The following LRRTM4 variants were observed in gnomAD, a reference collection of about 807,000 sequenced individuals.
The protein encoded by LRRTM4 is leucine rich repeat transmembrane neuronal 4, also known as leucine-rich repeat transmembrane neuronal protein 4.
LRRTM4 carries 25 observed loss-of-function variants against 47.6 expected under a neutral mutation model. That is an observed-to-expected ratio of 0.53 (90% CI 0.38 to 0.73). The LOEUF is 0.73. LRRTM4 is among the 30% of genes least tolerant of loss of function. The probability of loss-of-function intolerance (pLI) is 0.00; values close to 1 mark genes in which losing one functional copy is unlikely to be tolerated. For missense variants in LRRTM4, 638 were observed against 713.4 expected, an observed-to-expected ratio of 0.89 and a Z score of 1.20; for synonymous variants, 311 against 269.5, an observed-to-expected ratio of 1.15 and a Z score of -1.51.
intron 3 of LRRTM4, among the ~76,000 whole-genome samples, chr2:76,898,903 C>A (rs1320803834): frequency 1.3e-5 from 2 of 151,640 alleles, no homozygotes; most frequent in African/African-American, 2.4e-5. Flanking sequence ...TTAATTTCTG[C>A]TTTTTCATTT....
chr2:77,068,048 CCAAT>C (rs1158233702), intron 3 of LRRTM4, among the ~76,000 whole-genome samples: 3 of 151,862 alleles, frequency 2.0e-5, no homozygotes, highest in Non-Finnish European at 4.4e-5. Context: ...TACATTTTTA[CCAAT>C]CAAATGATAT....
chr2:77,508,533 G>A (rs1313730196), intron 3 of LRRTM4, among the ~76,000 whole-genome samples: 2 of 152,180 alleles, frequency 1.3e-5, no homozygotes, highest in Non-Finnish European at 2.9e-5. Flanking sequence ...GTTTTCTCAA[G>A]CAAATGTAAC....
chr2:77,021,276 G>A (rs868842960), intron 3 of LRRTM4, among the ~76,000 whole-genome samples: 3 of 152,080 alleles, frequency 2.0e-5, no homozygotes, highest in Non-Finnish European at 4.4e-5. Context: ...CTAGGAACTT[G>A]TAAGATGTTG....
chr2:77,413,813 G>A (rs1017801064), intron 3 of LRRTM4, among the ~76,000 whole-genome samples: 10 of 150,554 alleles, frequency 6.6e-5, no homozygotes, highest in Non-Finnish European at 1.3e-4. Flanking sequence ...GAAACCAACA[G>A]GCAAACATTG....
chr2:77,341,087 G>T (rs760762031), intron 3 of LRRTM4, among the ~76,000 whole-genome samples: 12 of 151,854 alleles, frequency 7.9e-5, no homozygotes, highest in Non-Finnish European at 1.5e-4. Context: ...GAACAGAAGA[G>T]TCCGTTTACT....
chr2:76,977,363 C>CA (rs1676456534), intron 3 of LRRTM4, among the ~76,000 whole-genome samples: 1 of 151,484 alleles, frequency 6.6e-6, no homozygotes, highest in African/African-American at 2.4e-5. Context: ...TACAAACACC[C>CA]AAAAACTTAC....
At chr2:77,127,025 C>T (rs774633248) in intron 3 of LRRTM4, among the ~76,000 whole-genome samples, 5 of 151,894 alleles carry the variant, frequency 3.3e-5, no homozygotes, top group Non-Finnish European at 5.9e-5. Context: ...TGTACAAATA[C>T]TTCTCCCTCC....
At chr2:76,836,352 T>C (rs1157703021) in intron 3 of LRRTM4, among the ~76,000 whole-genome samples, 1 of 152,008 alleles carries the variant, frequency 6.6e-6, no homozygotes, top group Non-Finnish European at 1.5e-5. Flanking sequence ...TCTTGGCATA[T>C]TGTATTTGCT....
chr2:77,370,589 A>C (rs1254895340), intron 3 of LRRTM4, among the ~76,000 whole-genome samples: 6 of 151,744 alleles, frequency 4.0e-5, no homozygotes, highest in African/African-American at 1.4e-4. Flanking sequence ...AAGTTTAGAA[A>C]TATGTCTGTG....
intron 3 of LRRTM4, among the ~76,000 whole-genome samples, chr2:76,858,852 T>C (rs1672232279): frequency 6.6e-6 from 1 of 152,182 alleles, no homozygotes; most frequent in African/African-American, 2.4e-5. Context: ...TGAGTCAACA[T>C]TTACAAATCC....
intron 3 of LRRTM4, among the ~76,000 whole-genome samples, chr2:76,979,490 G>A (rs1473798815): frequency 1.4e-5 from 2 of 139,814 alleles, no homozygotes; most frequent in East Asian, 2.0e-4. Flanking sequence ...GCAGAGATAC[G>A]TGACAGCACA....
At chr2:77,128,153 AC>A (rs1238601305) in intron 3 of LRRTM4, among the ~76,000 whole-genome samples, 3 of 145,542 alleles carry the variant, frequency 2.1e-5, no homozygotes, top group South Asian at 2.1e-4. Context: ...AAAAAAAAAA[AC>A]AAAACAAAAC....
At chr2:77,109,373 A>C (rs549473620) in intron 3 of LRRTM4, among the ~76,000 whole-genome samples, 1 of 152,346 alleles carries the variant, frequency 6.6e-6, no homozygotes, top group African/African-American at 2.4e-5. Flanking sequence ...AGATAATTAA[A>C]GTAGAAAGAG....
chr2:77,288,578 A>G (rs1428636683), intron 3 of LRRTM4, among the ~76,000 whole-genome samples: 1 of 152,104 alleles, frequency 6.6e-6, no homozygotes, highest in Non-Finnish European at 1.5e-5. Flanking sequence ...TGTCCAACAT[A>G]TAAACATACC....
chr2:77,479,896 AG>A (rs1677600322), intron 3 of LRRTM4, among the ~76,000 whole-genome samples: 1 of 152,212 alleles, frequency 6.6e-6, no homozygotes, highest in Admixed American at 6.5e-5. Flanking sequence ...TGAATAATAA[AG>A]AAATAGGAAA....
intron 3 of LRRTM4, among the ~76,000 whole-genome samples, chr2:76,801,430 C>G: frequency 6.6e-6 from 1 of 151,776 alleles, no homozygotes; most frequent in African/African-American, 2.4e-5. Context: ...AACCAAACAG[C>G]GCATATTCTC....
intron 3 of LRRTM4, among the ~76,000 whole-genome samples, chr2:76,787,158 GAAAATACATCTCTAATGGAA>G (rs1674717596): frequency 6.6e-6 from 1 of 151,904 alleles, no homozygotes; most frequent in South Asian, 2.1e-4. Context: ...TAATCTGTTA[GAAAATACATCTCTAATGGAA>G]AAAAGAGAAA....
chr2:76,940,781 C>T (rs1675112145), intron 3 of LRRTM4, among the ~76,000 whole-genome samples: 1 of 152,142 alleles, frequency 6.6e-6, no homozygotes, highest in African/African-American at 2.4e-5. Flanking sequence ...CCTTACTACA[C>T]TGTGCTAACC....
At chr2:77,077,098 A>T (rs1680362171) in intron 3 of LRRTM4, among the ~76,000 whole-genome samples, 1 of 152,180 alleles carries the variant, frequency 6.6e-6, no homozygotes, top group Non-Finnish European at 1.5e-5. Context: ...TTTCCTGTGT[A>T]TTAGAATGTA....
Sources: gnomAD v4.1 joint callset for allele counts (sites outside exome capture counted in the v4.1 genomes callset) on GRCh38, gnomAD v4.1.1 for gene constraint, MANE v1.5 for transcripts, NCBI Gene and HGNC (gene_info 2026-07-23, HGNC 2026-07-21) for gene names.